LRRC8D: variants seen among roughly 807,000 people sequenced by gnomAD.
LRRC8D encodes volume-regulated anion channel subunit LRRC8D.
In LRRC8D, 20 loss-of-function variants were observed where a neutral mutation model predicts 55.8. The ratio of observed to expected loss-of-function variants is 0.36; its 90% CI spans 0.25 to 0.52. The LOEUF (loss-of-function observed/expected upper bound fraction) is 0.52. Among genes scored for constraint, LRRC8D ranks in the 20% least tolerant of loss-of-function variants. The pLI, the probability that LRRC8D is intolerant of heterozygous loss-of-function variation, is 0.93. For missense variants in LRRC8D, 651 were observed against 1,030.8 expected (o/e 0.63, Z 5.05); for synonymous variants, 352 against 377.0 (o/e 0.93, Z 0.77).
At chr1:89,880,121 A>G (rs531612932) in intron 2 of LRRC8D, among the ~76,000 whole-genome samples, 7 of 151,560 alleles carry the variant, frequency 4.6e-5, no homozygotes, top group African/African-American at 1.7e-4. Flanking sequence ...TTACCCTCAT[A>G]TTACTGATTG....
chr1:89,871,895 G>C (rs1662014616), intron 2 of LRRC8D, among the ~76,000 whole-genome samples: 1 of 151,914 alleles, frequency 6.6e-6, no homozygotes, highest in Non-Finnish European at 1.5e-5. Context: ...GTTTTGTTTT[G>C]CTTGCTTACT....
intron 2 of LRRC8D, among the ~76,000 whole-genome samples, chr1:89,920,699 A>G (rs1443095395): frequency 7.7e-6 from 1 of 130,034 alleles, no homozygotes; most frequent in African/African-American, 3.6e-5. Context: ...CCTATTGGGA[A>G]AAAAAAAAAA....
intron 2 of LRRC8D, among the ~76,000 whole-genome samples, chr1:89,903,823 G>A (rs903235483): frequency 2.6e-5 from 4 of 152,162 alleles, no homozygotes; most frequent in Non-Finnish European, 5.9e-5. Context: ...GGTGTCTTGA[G>A]TTGAGCCCAG....
At chr1:89,926,470 G>C (rs1335851925) in intron 2 of LRRC8D, among the ~76,000 whole-genome samples, 2 of 152,240 alleles carry the variant, frequency 1.3e-5, no homozygotes, top group East Asian at 3.8e-4. Flanking sequence ...TGAATGTCAG[G>C]AAGGGATGGT....
intron 1 of LRRC8D, among the ~76,000 whole-genome samples, chr1:89,830,654 A>C (rs1041421674): frequency 6.6e-6 from 1 of 152,196 alleles, no homozygotes; most frequent in Non-Finnish European, 1.5e-5. Flanking sequence ...CCTGTTGAGC[A>C]GTGCATTGTT....
chr1:89,857,489 C>T (rs1022268179), intron 2 of LRRC8D, among the ~76,000 whole-genome samples: 1 of 150,374 alleles, frequency 6.7e-6, no homozygotes, highest in Non-Finnish European at 1.5e-5. Flanking sequence ...AAATAACAAG[C>T]AGGTATTTTA....
At chr1:89,920,825 C>T (rs1663396652) in intron 2 of LRRC8D, among the ~76,000 whole-genome samples, 1 of 151,672 alleles carries the variant, frequency 6.6e-6, no homozygotes, top group South Asian at 2.1e-4. Flanking sequence ...TCTGTGTGTA[C>T]ATACACATAT....
chr1:89,893,572 C>T (rs1182519352), intron 2 of LRRC8D, among the ~76,000 whole-genome samples: 4 of 152,098 alleles, frequency 2.6e-5, no homozygotes. Flanking sequence ...TAAGAATGCT[C>T]TTGTTTTCCC....
intron 2 of LRRC8D, among the ~76,000 whole-genome samples, chr1:89,877,485 C>A (rs1662176416): frequency 6.6e-6 from 1 of 152,164 alleles, no homozygotes. Context: ...ATTATTATTT[C>A]ATGATTTTTT....
At chr1:89,896,984 T>C (rs1662729502) in intron 2 of LRRC8D, among the ~76,000 whole-genome samples, 1 of 152,226 alleles carries the variant, frequency 6.6e-6, no homozygotes, top group African/African-American at 2.4e-5. Flanking sequence ...GTTCAGTTTT[T>C]GCAGATGGGG....
At chr1:89,850,074 A>G (rs879691136) in intron 2 of LRRC8D, among the ~76,000 whole-genome samples, 29 of 152,252 alleles carry the variant, frequency 1.9e-4, no homozygotes, top group Non-Finnish European at 3.7e-4. Flanking sequence ...TATTAACCCA[A>G]TTTTTATTTT....
intron 2 of LRRC8D, among the ~76,000 whole-genome samples, chr1:89,885,152 A>T (rs533938371): frequency 3.3e-5 from 5 of 152,296 alleles, no homozygotes; most frequent in African/African-American, 1.2e-4. Context: ...TTAAATTTTG[A>T]TATCCTCTGA....
chr1:89,860,629 G>A lies in LRRC8D; in HGVS notation c.-3+16847G>A, dbSNP rs114346945. 6.5e-3 allele frequency among the ~76,000 whole-genome samples: 980 copies of A among 150,016 alleles called. 9 individuals carry two copies. The highest frequency in any genetic ancestry group is 0.023 in the African/African-American group (922 of 40,498). On this transcript the variant is annotated intron_variant, in intron 2 of 2. Coordinates refer to ENST00000337338, the MANE Select transcript of LRRC8D (RefSeq NM_001134479.2). ...AAAAATTAGCTGAGCGTGGTGGTGC[G>A]CGGCTGTAACCAAAGCTACTTGGGA...
chr1:89,839,103 G>A lies in LRRC8D; in HGVS notation c.-147-4535G>A, dbSNP rs565195875. On this transcript the variant is annotated intron_variant, in intron 1 of 2. Transcript: ENST00000337338. ...ATTTCTATTCAATTAAAAGAAGGAA[G>A]AACAGACCCAGGGTGAGTTTTCGTT... 2.0e-5 allele frequency among the ~76,000 whole-genome samples: 3 copies of A among 152,284 alleles called. No homozygotes were observed. The South Asian group carries it at 6.2e-4, about 32-fold the overall frequency.
chr1:89,883,510 T>C (rs529537760), intron 2 of LRRC8D, among the ~76,000 whole-genome samples: 10 of 152,220 alleles, frequency 6.6e-5, no homozygotes, highest in East Asian at 1.9e-4. Context: ...GCACATCTCA[T>C]TGGGGGCCTG....
intron 2 of LRRC8D, among the ~76,000 whole-genome samples, chr1:89,930,310 T>C (rs1663672113): frequency 6.6e-6 from 1 of 152,208 alleles, no homozygotes. Context: ...TTTTTCTGCC[T>C]CAGCCTCCCA....
chr1:89,838,191 T>TC (rs1335105162), intron 1 of LRRC8D, among the ~76,000 whole-genome samples: 1 of 88,120 alleles, frequency 1.1e-5, no homozygotes, highest in Non-Finnish European at 2.3e-5. Context: ...GAAACCCCTG[T>TC]CCCTTAAAAA....
intron 2 of LRRC8D, among the ~76,000 whole-genome samples, chr1:89,884,107 G>A (rs1363262418): frequency 2.6e-5 from 4 of 152,188 alleles, no homozygotes; most frequent in Non-Finnish European, 5.9e-5. Flanking sequence ...GCTGAAGAAA[G>A]TAGGGCACGT....
intron 2 of LRRC8D, among the ~76,000 whole-genome samples, chr1:89,887,613 T>C (rs754948324): frequency 2.7e-4 from 41 of 152,364 alleles, no homozygotes; most frequent in South Asian, 2.1e-3. Context: ...ATGTGTACTC[T>C]TGAATTTTTT....
Sources: allele counts gnomAD v4.1 joint callset (sites outside exome capture counted in the v4.1 genomes callset), GRCh38; gene constraint gnomAD v4.1.1; transcripts MANE v1.5; gene names NCBI Gene and HGNC (gene_info 2026-07-23, HGNC 2026-07-21).